Variants in FLNB observed in about 807,000 individuals in gnomAD.
FLNB encodes filamin-B.
Under a neutral mutation model 250.6 loss-of-function variants are expected in FLNB, and 111 were observed. That is an observed-to-expected ratio of 0.44 (90% CI 0.38 to 0.52). The LOEUF (loss-of-function observed/expected upper bound fraction) is 0.52, where lower values mean the gene tolerates loss of function less well. Ranked by LOEUF, FLNB falls within the 20% of genes least tolerant of loss-of-function variation. The pLI is 0.00. For synonymous variants in FLNB, 1,302 were observed against 1,372.1 expected (o/e 0.95, Z 1.13); for missense variants, 2,869 against 3,447.8 (o/e 0.83, Z 4.20).
chr3:58,105,836 C>T (rs1355184916), intron 11 of FLNB, among the ~76,000 whole-genome samples: 6 of 152,174 alleles, frequency 3.9e-5, no homozygotes, highest in Non-Finnish European at 5.9e-5. Flanking sequence ...TTCAGACTGT[C>T]GTTTAGCAAC....
At chr3:58,104,206 T>TC in intron 10 of FLNB, 121 bp downstream of exon 10, 2 of 1,083,878 alleles carry the variant, frequency 1.8e-6, no homozygotes, top group Non-Finnish European at 2.6e-6. Context: ...AACTTTTTTT[T>TC]TTTTTTTTTC....
intron 1 of FLNB, among the ~76,000 whole-genome samples, chr3:58,073,047 G>A (rs2097196848): frequency 6.6e-6 from 1 of 152,170 alleles, no homozygotes; most frequent in Admixed American, 6.5e-5. Context: ...ACTAATGCCT[G>A]TGGCCGGATG....
At chr3:58,136,222 G>A (rs1046573454) in intron 28 of FLNB, 54 bp downstream of exon 28, 37 of 1,566,508 alleles carry the variant, frequency 2.4e-5, no homozygotes, top group Middle Eastern at 3.7e-4. Context: ...TCAGAAAGCC[G>A]GGCCGTAGCC....
intron 6 of FLNB, among the ~76,000 whole-genome samples, chr3:58,097,601 T>C (rs1357215697): frequency 1.3e-5 from 2 of 152,158 alleles, no homozygotes; most frequent in Non-Finnish European, 2.9e-5. Context: ...TTGCTAAAGG[T>C]GTGATGTCCC....
intron 25 of FLNB, 79 bp from the exon 26 acceptor site, chr3:58,132,729 G>T (rs905512749): frequency 6.4e-7 from 1 of 1,574,332 alleles, no homozygotes; most frequent in Non-Finnish European, 8.7e-7. Flanking sequence ...GGATGGATGT[G>T]GTCCTATTTC....
At chr3:58,101,807 G>C (rs1473472062) in intron 8 of FLNB, among the ~76,000 whole-genome samples, 1 of 152,186 alleles carries the variant, frequency 6.6e-6, no homozygotes. Flanking sequence ...CATTTTCCAA[G>C]AAGACTTGAA....
rs78533912 is a variant in FLNB, at chr3:58,114,427, C to T, written c.2745+2109C>T. Among the ~76,000 whole-genome samples the T allele has an allele frequency of 3.8e-3, 575 of 152,326 alleles. 2 individuals are homozygous for T. Among genetic ancestry groups the T allele is most frequent in the Non-Finnish European group, 6.0e-3 (411 of 68,028 alleles). On this transcript the variant is annotated intron_variant, in intron 18 of 45. Transcript: ENST00000295956. ...CTGGGATTATAGGCATGAGCCACCG[C>T]GCCCGGCCATCTTCATTTGTTGAAG...
rs1290207973 is a variant in FLNB at position 58,150,145 on chromosome 3, C to A, written c.6285C>A (p.Val2095=). The A allele has an allele frequency of 1.2e-6, 2 of 1,614,066 alleles. No individual in the cohort carries two copies. Among genetic ancestry groups the A allele is most frequent in the Admixed American group, 3.3e-5 (2 of 60,004 alleles). The part of the protein sequence containing the change: ...FTVKISGEGR[V]KESITRTSRA... ...TGAAGATCAGTGGGGAGGGAAGAGT[C>A]AAAGAGAGCATCACCCGCACCAGTC... Residue 2095 remains valine, a synonymous_variant, in exon 38 of 46, where the codon GTC becomes GTA. Coordinates refer to ENST00000295956, the MANE Select transcript of FLNB (RefSeq NM_001457.4).
chr3:58,123,692 T>C lies in FLNB; in HGVS notation c.3724+2T>C. The C allele has an allele frequency of 2.2e-6, 3 of 1,370,104 alleles. No homozygotes were observed. The highest frequency in any genetic ancestry group is 3.0e-6 in the Non-Finnish European group (3 of 1,011,964). The allele number at this position is 1,370,104 out of a possible 1,614,324, so 84.9% of individuals were successfully genotyped here. On this transcript the variant is annotated splice_donor_variant, in intron 21 of 45. Coordinates refer to ENST00000295956, the MANE Select transcript of FLNB (RefSeq NM_001457.4). LOFTEE classifies it high-confidence loss of function. ...TTGGACCAGGAATAGAAGGGAAAGGTGGGTTTCATTTAAAAAAAAAAAAAA... is the reference window on the plus strand; with the variant it reads ...TTGGACCAGGAATAGAAGGGAAAGGCGGGTTTCATTTAAAAAAAAAAAAAA...
chr3:58,017,776 C>G (rs1345886747), intron 1 of FLNB, among the ~76,000 whole-genome samples: 2 of 152,128 alleles, frequency 1.3e-5, no homozygotes, highest in Non-Finnish European at 2.9e-5. Flanking sequence ...TACCAAAGAA[C>G]AATTTTGGCC....
At chr3:58,150,871 A>C (rs1185390074) in intron 38 of FLNB, 1 of 154,996 alleles carries the variant, frequency 6.5e-6, no homozygotes, top group East Asian at 1.9e-4. Flanking sequence ...TTCTACAGAG[A>C]AGGGAAATCT....
chr3:58,118,837 C>T lies in FLNB; in HGVS notation c.2746-35C>T, dbSNP rs369691652. On this transcript the variant is annotated intron_variant, in intron 18 of 45. Transcript: ENST00000295956. ...TAAATGCCAAGTTAGCTTTTTGGTACCCAAAGGTAAACTGAGTTTTCTCTC... is the reference window on the plus strand; with the variant it reads ...TAAATGCCAAGTTAGCTTTTTGGTATCCAAAGGTAAACTGAGTTTTCTCTC... 1.3e-5 allele frequency: 20 copies of T among 1,542,638 alleles called. No individual in the cohort carries two copies. The African/African-American group carries it at 2.5e-4, about 19-fold the overall frequency.
intron 4 of FLNB, among the ~76,000 whole-genome samples, chr3:58,087,975 G>T (rs1398009056): frequency 6.6e-6 from 1 of 151,014 alleles, no homozygotes; most frequent in African/African-American, 2.4e-5. Context: ...GCTGACCTTG[G>T]GTGATCTGCC....
rs532786183 is a variant in FLNB, at chr3:58,022,146, A to G, written c.292+13290A>G. Among the ~76,000 whole-genome samples the G allele has an allele frequency of 2.6e-5, 4 of 152,290 alleles. No homozygotes were observed. The East Asian group carries it at 7.7e-4, about 29-fold the overall frequency. On this transcript the variant is annotated intron_variant, in intron 1 of 45. Transcript: ENST00000295956. ...CTCTCCCACGGGTCATCAGTGCTCCAGGGGCAGGCGCTGTGTCTCTTGTTT... is the reference window on the plus strand; with the variant it reads ...CTCTCCCACGGGTCATCAGTGCTCCGGGGGCAGGCGCTGTGTCTCTTGTTT...
intron 1 of FLNB, among the ~76,000 whole-genome samples, chr3:58,039,858 G>C (rs937793243): frequency 6.6e-6 from 1 of 152,068 alleles, no homozygotes; most frequent in Non-Finnish European, 1.5e-5. Flanking sequence ...GCAAAACTAA[G>C]CCAGGGCAGG....
intron 4 of FLNB, among the ~76,000 whole-genome samples, chr3:58,083,688 C>T (rs1018435475): frequency 6.6e-6 from 1 of 152,116 alleles, no homozygotes; most frequent in East Asian, 1.9e-4. Context: ...GTGCTGTTCT[C>T]ACCTCAGTGG....
At chr3:58,127,521 T>G (rs1172452739) in intron 24 of FLNB, among the ~76,000 whole-genome samples, 1 of 152,212 alleles carries the variant, frequency 6.6e-6, no homozygotes, top group Non-Finnish European at 1.5e-5. Context: ...ACTCCGGCAC[T>G]ATGACACTTT....
chr3:58,069,103 A>G (rs930618408), intron 1 of FLNB, among the ~76,000 whole-genome samples: 2 of 148,592 alleles, frequency 1.3e-5, no homozygotes, highest in Admixed American at 6.8e-5. Context: ...AGATTGTACC[A>G]TTGTATTCTA....
At chr3:58,157,388 A>G (rs1280419063) in intron 41 of FLNB, among the ~76,000 whole-genome samples, 1 of 152,114 alleles carries the variant, frequency 6.6e-6, no homozygotes, top group Non-Finnish European at 1.5e-5. Context: ...AGTTCCATAC[A>G]CTTGGTTTAC....
Sources: gnomAD v4.1 joint callset for allele counts (sites outside exome capture counted in the v4.1 genomes callset) on GRCh38, gnomAD v4.1.1 for gene constraint, MANE v1.5 for transcripts, NCBI Gene and HGNC (gene_info 2026-07-23, HGNC 2026-07-21) for gene names.